The following TRPM2 variants were observed in gnomAD, a reference collection of about 807,000 sequenced individuals.
TRPM2 encodes the protein transient receptor potential cation channel subfamily M member 2, also known as estrogen-responsive element-associated gene 1 protein.
In TRPM2, 161 loss-of-function variants were observed where a neutral mutation model predicts 174.0. That is an observed-to-expected ratio of 0.93 (90% confidence interval 0.81 to 1.05). The LOEUF (loss-of-function observed/expected upper bound fraction) is 1.05. TRPM2 is among the 50% of genes least tolerant of loss of function. The pLI is 0.00. For synonymous variants in TRPM2, 954 were observed against 861.3 expected (o/e 1.11, Z -1.88); for missense variants, 2,057 against 2,038.0 (o/e 1.01, Z -0.18).
intron 22 of TRPM2, among the ~76,000 whole-genome samples, chr21:44,421,886 C>T (rs1012529495): frequency 5.3e-5 from 8 of 152,212 alleles, no homozygotes. Context: ...CACTGCACTG[C>T]AGCCTGGGTG....
rs768687117 is a variant in TRPM2 at position 44,417,930 on chromosome 21, C to T, written c.3150C>T (p.Tyr1050=). 1.9e-6 allele frequency: 3 copies of T among 1,610,732 alleles called. No individual in the cohort carries two copies. The highest frequency in any genetic ancestry group is 2.2e-5 in the South Asian group (2 of 91,052). Residue 1050 remains tyrosine, a synonymous_variant, in exon 21 of 32, where the codon TAC becomes TAT. Transcript: ENST00000397928. ...LLNLLIAMFN[Y]TFQQVQEHTD... The stretch of plus-strand genomic sequence containing the variant: ...GTTGCTTTCTCCTCCCTGACAGCTA[C>T]ACCTTCCAGCAGGTGCAGGAGCACA...
At chr21:44,431,287 CTTTTG>C (rs1337006409) in intron 27 of TRPM2, among the ~76,000 whole-genome samples, 1 of 150,474 alleles carries the variant, frequency 6.6e-6, no homozygotes, top group Non-Finnish European at 1.5e-5. Flanking sequence ...TCATTTTACA[CTTTTG>C]TTTTGCTCTT....
rs141640522 is a variant in TRPM2 at position 44,354,732 on chromosome 21, G to T, written c.250G>T (p.Ala84Ser). The T allele has an allele frequency of 2.0e-5, 33 of 1,614,006 alleles. No individual in the cohort carries two copies. In the Admixed American group the frequency reaches 4.0e-4, roughly 20 times the overall value. ...TGTGGAAAGTTCCAAACTGTCTGATGCTGGGTAAGTGACGTGATTTGTGTG... is the reference window on the plus strand; with the variant it reads ...TGTGGAAAGTTCCAAACTGTCTGATTCTGGGTAAGTGACGTGATTTGTGTG... The part of the protein sequence containing the change: ...YFVESSKLSD[A>S]GKVVCQCGYT... The change falls in exon 2 of 32, where the codon GCT (alanine) becomes TCT (serine). Residue 84 changes from alanine to serine, a missense_variant. Transcript: ENST00000397928. This position sits in a 1 kb window ranked among gnomAD's most constrained non-coding sequence, Gnocchi z 4.3.
Position 44,427,123 on chromosome 21 carries a change from C to T in TRPM2, c.3974+12C>T, listed in dbSNP as rs45453592. The T allele has an allele frequency of 2.1e-4, 326 of 1,564,562 alleles. 1 individual carries two copies. In the East Asian group the frequency reaches 5.0e-3, roughly 24 times the overall value. On this transcript the variant is annotated intron_variant, in intron 27 of 31. Transcript: ENST00000397928. ...GCCGGGTTGCCCCTGTGAGTGTGCC[C>T]CCTGCGGGCCCCGCCCCGTCAGCCT...
At chr21:44,403,653 G>A (rs2049717845) in intron 16 of TRPM2, among the ~76,000 whole-genome samples, 2 of 148,344 alleles carry the variant, frequency 1.3e-5, no homozygotes, top group South Asian at 2.1e-4. Context: ...ATGCACACAT[G>A]CACACACATG....
intron 16 of TRPM2, among the ~76,000 whole-genome samples, chr21:44,403,601 G>C (rs73375974): frequency 0.035 from 5,143 of 148,454 alleles, 242 homozygotes; most frequent in African/African-American, 0.1. Flanking sequence ...CATGCACACA[G>C]TACACACATA....
chr21:44,418,366 T>C (rs2050390512), intron 21 of TRPM2, 57 bp from the exon 22 acceptor site: 3 of 1,595,302 alleles, frequency 1.9e-6, no homozygotes, highest in Non-Finnish European at 2.6e-6. Context: ...GGTCAGGGCT[T>C]CAGGGCCCAC....
chr21:44,425,828 G>T lies in TRPM2; in HGVS notation c.3795+1G>T. The T allele has an allele frequency of 6.4e-7, 1 of 1,566,266 alleles. No individual in the cohort carries two copies. On this transcript the variant is annotated splice_donor_variant, in intron 25 of 31. Coordinates refer to ENST00000397928, the MANE Select transcript of TRPM2 (RefSeq NM_003307.4). LOFTEE classifies it high-confidence loss of function. ...GCCCAACGAGAAGGTGCCCTGGGAG[G>T]TGAGCGCCTGCCCAAGCCCAACCAG...
At chr21:44,403,290 G>A (rs1229973082) in intron 16 of TRPM2, among the ~76,000 whole-genome samples, 1 of 152,198 alleles carries the variant, frequency 6.6e-6, no homozygotes, top group African/African-American at 2.4e-5. Context: ...CCTGGGGCCT[G>A]GGGCTAGGGA....
rs1286241712 is a variant in TRPM2 at position 44,432,188 on chromosome 21, T to C, written c.3975-2943T>C. 6.6e-6 allele frequency among the ~76,000 whole-genome samples: 1 copy of C among 152,224 alleles called. No homozygotes were observed. Among genetic ancestry groups the C allele is most frequent in the African/African-American group, 2.4e-5 (1 of 41,448 alleles). ...ACTGGGGGGCTTAACAGAAATGGAT[T>C]ATCTCACAGTTCTGAGGGCCAGGAG... On this transcript the variant is annotated intron_variant, in intron 27 of 31. Coordinates refer to ENST00000397928, the MANE Select transcript of TRPM2 (RefSeq NM_003307.4). The surrounding 1 kb of genome is among the most constrained non-coding windows in gnomAD (Gnocchi z 4.9).
In TRPM2 at chr21:44,395,726, TG is replaced by T; in HGVS notation, c.1932+177del. Among the ~76,000 whole-genome samples the T allele has an allele frequency of 4.4e-4, 3 of 6,888 alleles. 1 individual carries two copies. Among genetic ancestry groups the T allele is most frequent in the African/African-American group, 7.4e-4 (1 of 1,348 alleles). The allele number at this position is 6,888 out of a possible 152,430, so 4.5% of individuals were successfully genotyped here. ...GGATGTGGAGGGGTGTGGAGGGCTG[TG>T]GAGGGATGTGGAGGCTGTGGAGGGG... On this transcript the variant is annotated intron_variant, in intron 12 of 31. Coordinates refer to ENST00000397928, the MANE Select transcript of TRPM2 (RefSeq NM_003307.4).
intron 9 of TRPM2, among the ~76,000 whole-genome samples, chr21:44,387,492 G>A (rs1484885830): frequency 2.0e-5 from 3 of 152,142 alleles, no homozygotes; most frequent in Non-Finnish European, 4.4e-5. Flanking sequence ...ATTTGGCAGT[G>A]GTTTCTTGGC....
At chr21:44,375,752 T>C in intron 5 of TRPM2, 81 bp from the exon 6 acceptor site, 1 of 1,472,866 alleles carries the variant, frequency 6.8e-7, no homozygotes. Flanking sequence ...CTGGTCTCTG[T>C]GAGGGCCGGT....
At position 44,418,525 on chromosome 21, in the gene TRPM2, C is replaced by A. The variant is rs1307186155; in HGVS notation, c.3431C>A (p.Pro1144His). The change falls in exon 22 of 32, where the codon CCC (proline) becomes CAC (histidine). Residue 1144 changes from proline (P) to histidine (H), a missense_variant. By Grantham distance (77) the Pro-to-His change is moderately conservative. Coordinates refer to ENST00000397928, the MANE Select transcript of TRPM2 (RefSeq NM_003307.4). ...QNRQFQQKQRPEQKIEDISNK... is the reference protein window; with the variant it reads ...QNRQFQQKQRHEQKIEDISNK... ...CGACAGTTCCAGCAAAAGCAGCGGCCCGAGCAGAAGATCGAGGACATCAGC... is the reference window on the plus strand; with the variant it reads ...CGACAGTTCCAGCAAAAGCAGCGGCACGAGCAGAAGATCGAGGACATCAGC... 1 of 1,614,094 alleles carries A rather than the reference C, an allele frequency of 6.2e-7. No homozygotes were observed. The highest frequency in any genetic ancestry group is 1.1e-5 in the South Asian group (1 of 91,088).
intron 9 of TRPM2, 31 bp downstream of exon 9, chr21:44,382,851 G>A (rs1296092386): frequency 3.1e-6 from 5 of 1,589,020 alleles, no homozygotes; most frequent in Non-Finnish European, 4.3e-6. Flanking sequence ...GGGCAATGGG[G>A]TGGAGGCCAG....
chr21:44,418,369 G>A, intron 21 of TRPM2, 54 bp from the exon 22 acceptor site: 2 of 1,597,156 alleles, frequency 1.3e-6, no homozygotes, highest in Non-Finnish European at 8.6e-7. Context: ...CAGGGCTTCA[G>A]GGCCCACCTC....
chr21:44,396,040 A>AGGATGTGGAG (rs1166940720), intron 12 of TRPM2, among the ~76,000 whole-genome samples: 2 of 29,928 alleles, frequency 6.7e-5, no homozygotes, highest in Non-Finnish European at 1.2e-4. Context: ...AGGGCTGTGG[A>AGGATGTGGAG]GGCTGTGGAG....
rs1366785924 is a variant in TRPM2, at chr21:44,414,015, C to G, written c.3087C>G (p.Leu1029=). The G allele has an allele frequency of 6.8e-6, 11 of 1,613,626 alleles. No homozygotes were observed. Among genetic ancestry groups the G allele is most frequent in the African/African-American group, 1.3e-5 (1 of 74,928 alleles). ...CTGAGTGGCTGACGGTCCTCCTACT[C>G]TGCCTCTACCTGCTCTTCACCAACA... ...AFPEWLTVLL[L]CLYLLFTNIL... The change falls in exon 20 of 32, where the codon CTC becomes CTG. Residue 1029 remains leucine (L), a synonymous_variant. Transcript: ENST00000397928.
In TRPM2 at chr21:44,369,207, C is replaced by A; in HGVS notation, c.635C>A (p.Thr212Asn). The A allele has an allele frequency of 6.2e-7, 1 of 1,612,696 alleles. No homozygotes were observed. ...TGGATCATCACAGGGGGGTCCCACACCGGCGTCATGAAGCAGGTAGGCGAG... is the reference window on the plus strand; with the variant it reads ...TGGATCATCACAGGGGGGTCCCACAACGGCGTCATGAAGCAGGTAGGCGAG... ...GAWIITGGSH[T>N]GVMKQVGEAV... is the part of the protein sequence containing the mutation. The change falls in exon 5 of 32, where the codon ACC becomes AAC. Residue 212 changes from threonine (T) to asparagine (N), a missense_variant. Thr to Asn is a moderately conservative substitution (Grantham distance 65, BLOSUM62 0). Transcript: ENST00000397928.
Sources: allele counts gnomAD v4.1 joint callset (sites outside exome capture counted in the v4.1 genomes callset), GRCh38; gene constraint gnomAD v4.1.1; non-coding constraint Gnocchi (gnomAD v3.1); transcripts MANE v1.5; gene names NCBI Gene and HGNC (gene_info 2026-07-23, HGNC 2026-07-21).